HPSE2: variants seen among roughly 807,000 people sequenced by gnomAD.
HPSE2 encodes the protein heparanase 2 (inactive), also known as inactive heparanase-2.
Under a neutral mutation model 60.5 loss-of-function variants are expected in HPSE2, and 38 were observed. That is an observed-to-expected ratio of 0.63 (90% CI 0.48 to 0.82). The LOEUF is 0.82. Ranked by LOEUF, HPSE2 falls within the 40% of genes least tolerant of loss-of-function variation. The pLI is 0.00. For synonymous variants in HPSE2, 295 were observed against 293.2 expected (o/e 1.01, Z -0.06); for missense variants, 713 against 740.4 (o/e 0.96, Z 0.43).
chr10:99,257,203 G>A, the HPSE2 span, among the ~76,000 whole-genome samples: 3 of 152,114 alleles, frequency 2.0e-5, no homozygotes, highest in African/African-American at 7.2e-5. Context: ...TGTTTGTAGA[G>A]CATGTGTGTT....
intron 5 of HPSE2, among the ~76,000 whole-genome samples, chr10:98,697,419 C>T (rs1948255252): frequency 6.6e-6 from 1 of 151,938 alleles, no homozygotes; most frequent in African/African-American, 2.4e-5. Context: ...AGTTTGAAGA[C>T]CATCTTGCTG....
At chr10:99,243,159 C>T in the HPSE2 span, among the ~76,000 whole-genome samples, 2 of 152,160 alleles carry the variant, frequency 1.3e-5, no homozygotes, top group Non-Finnish European at 2.9e-5. Context: ...TGAGACCATC[C>T]TGGCTAACTC....
At chr10:98,988,147 T>G (rs1956418807) in intron 3 of HPSE2, among the ~76,000 whole-genome samples, 1 of 152,274 alleles carries the variant, frequency 6.6e-6, no homozygotes, top group African/African-American at 2.4e-5. Flanking sequence ...AAAACTACTT[T>G]AAAGTTCATA....
At chr10:99,290,646 T>C in the HPSE2 span, among the ~76,000 whole-genome samples, 3 of 152,158 alleles carry the variant, frequency 2.0e-5, no homozygotes, top group East Asian at 5.8e-4. Flanking sequence ...CCATAGTGGG[T>C]TGGGGCACAG....
At chr10:98,584,620 A>C (rs912131483) in intron 9 of HPSE2, among the ~76,000 whole-genome samples, 1 of 152,210 alleles carries the variant, frequency 6.6e-6, no homozygotes, top group Admixed American at 6.5e-5. Flanking sequence ...ATACTAAACC[A>C]TTATATCATA....
chr10:98,752,375 G>A (rs184865512), intron 3 of HPSE2, among the ~76,000 whole-genome samples: 114 of 152,270 alleles, frequency 7.5e-4, no homozygotes, highest in Middle Eastern at 3.4e-3. Context: ...TTGAGGATAG[G>A]AAGATTCTTT....
intron 9 of HPSE2, among the ~76,000 whole-genome samples, chr10:98,575,560 C>T (rs950173032): frequency 2.0e-5 from 3 of 152,192 alleles, no homozygotes; most frequent in Non-Finnish European, 2.9e-5. Context: ...CTAAGCATTT[C>T]ATATTTATTA....
chr10:98,869,957 T>C (rs1952688935), intron 3 of HPSE2, among the ~76,000 whole-genome samples: 1 of 152,150 alleles, frequency 6.6e-6, no homozygotes, highest in Admixed American at 6.6e-5. Context: ...AAGATAAATG[T>C]TTATCAGGAG....
chr10:98,649,105 T>C (rs182349856), intron 6 of HPSE2, among the ~76,000 whole-genome samples: 4 of 152,288 alleles, frequency 2.6e-5, no homozygotes, highest in Admixed American at 6.5e-5. Flanking sequence ...CCCAACCATC[T>C]ATGTGCAGTA....
intron 11 of HPSE2, 21 bp downstream of exon 11, chr10:98,482,615 T>C: frequency 6.2e-7 from 1 of 1,614,078 alleles, no homozygotes; most frequent in Non-Finnish European, 8.5e-7. Flanking sequence ...GCTCCCGAGC[T>C]ATTTTCAGGT....
chr10:98,984,655 G>A (rs1019497688), intron 3 of HPSE2, among the ~76,000 whole-genome samples: 8 of 152,216 alleles, frequency 5.3e-5, no homozygotes, highest in African/African-American at 1.9e-4. Flanking sequence ...TGACTTTGAC[G>A]AGTTGAGAGA....
intron 2 of HPSE2, among the ~76,000 whole-genome samples, chr10:99,150,377 G>C (rs1251257059): frequency 6.6e-6 from 1 of 152,114 alleles, no homozygotes; most frequent in African/African-American, 2.4e-5. Context: ...CCAGGCTGGA[G>C]TGTAGTGGCA....
At chr10:99,028,257 C>T (rs1169976444) in intron 3 of HPSE2, among the ~76,000 whole-genome samples, 1 of 152,068 alleles carries the variant, frequency 6.6e-6, no homozygotes, top group Admixed American at 6.6e-5. Flanking sequence ...CTAAAGACTC[C>T]ACTAAAATAT....
At chr10:99,175,708 A>G (rs546458491) in intron 2 of HPSE2, among the ~76,000 whole-genome samples, 114 of 152,288 alleles carry the variant, frequency 7.5e-4, no homozygotes, top group Non-Finnish European at 1.3e-3. Flanking sequence ...AGCAGACTTA[A>G]ACGTTCCTGC....
chr10:99,213,902 T>G (rs760326205), intron 2 of HPSE2, among the ~76,000 whole-genome samples: 17 of 152,140 alleles, frequency 1.1e-4, no homozygotes, highest in Non-Finnish European at 2.2e-4. Context: ...AACGACATGC[T>G]CAAGGAAGTA....
chr10:99,060,560 A>G (rs561354746), intron 3 of HPSE2, among the ~76,000 whole-genome samples: 18 of 147,312 alleles, frequency 1.2e-4, no homozygotes, highest in Non-Finnish European at 2.5e-4. Context: ...CAGGAGGCTG[A>G]GGCAGGAGAA....
At chr10:98,542,388 C>T (rs1273990988) in intron 9 of HPSE2, among the ~76,000 whole-genome samples, 2 of 152,108 alleles carry the variant, frequency 1.3e-5, no homozygotes, top group African/African-American at 4.8e-5. Context: ...AAAAACAGAG[C>T]AGAAAAACTG....
At chr10:98,967,667 T>C (rs1784321545) in intron 3 of HPSE2, among the ~76,000 whole-genome samples, 1 of 152,176 alleles carries the variant, frequency 6.6e-6, no homozygotes, top group Non-Finnish European at 1.5e-5. Flanking sequence ...AGACAGACTC[T>C]AAGCTTAGTT....
chr10:98,999,118 T>C (rs1045228763), intron 3 of HPSE2, among the ~76,000 whole-genome samples: 5 of 151,738 alleles, frequency 3.3e-5, no homozygotes, highest in African/African-American at 1.2e-4. Flanking sequence ...AATGTCTCAG[T>C]TACTGGCCCA....
Sources: allele counts gnomAD v4.1 joint callset (sites outside exome capture counted in the v4.1 genomes callset), GRCh38; gene constraint gnomAD v4.1.1; transcripts MANE v1.5; gene names NCBI Gene and HGNC (gene_info 2026-07-23, HGNC 2026-07-21).